The following HMGCLL1 variants were observed in gnomAD, a reference collection of about 807,000 sequenced individuals.
HMGCLL1 encodes 3-hydroxymethyl-3-methylglutaryl-CoA lyase, cytoplasmic.
Under a neutral mutation model 39.1 loss-of-function variants are expected in HMGCLL1, and 36 were observed. That is an observed-to-expected ratio of 0.92 (90% confidence interval 0.71 to 1.22). The LOEUF is 1.22. Among genes scored for constraint, HMGCLL1 ranks in the 50% most tolerant of loss-of-function variants. HMGCLL1 has a pLI of 0.00. For missense variants in HMGCLL1, 451 were observed against 416.5 expected (o/e 1.08, Z -0.72); for synonymous variants, 149 against 144.0 (o/e 1.03, Z -0.25).
chr6:55,588,279 C>T, the HMGCLL1 span, among the ~76,000 whole-genome samples: 2 of 152,062 alleles, frequency 1.3e-5, no homozygotes, highest in African/African-American at 4.8e-5. Context: ...TACATGGAAA[C>T]TGAACAACGT....
chr6:55,561,255 C>A (rs911687045), intron 1 of HMGCLL1, among the ~76,000 whole-genome samples: 3 of 152,036 alleles, frequency 2.0e-5, no homozygotes, highest in Non-Finnish European at 2.9e-5. Flanking sequence ...TTACAAAAAT[C>A]ATCTTTAAAA....
At chr6:55,639,774 A>C in the HMGCLL1 span, among the ~76,000 whole-genome samples, 1 of 152,074 alleles carries the variant, frequency 6.6e-6, no homozygotes, top group African/African-American at 2.4e-5. Context: ...ATGAAGGAGA[A>C]AGAAAAGAAA....
the HMGCLL1 span, among the ~76,000 whole-genome samples, chr6:55,657,246 T>G: frequency 1.3e-5 from 2 of 152,198 alleles, no homozygotes; most frequent in Admixed American, 1.3e-4. Flanking sequence ...TGCAGTTGCT[T>G]TTGGTGTTTT....
At chr6:55,628,837 G>T in the HMGCLL1 span, among the ~76,000 whole-genome samples, 2 of 152,094 alleles carry the variant, frequency 1.3e-5, no homozygotes, top group African/African-American at 4.8e-5. Flanking sequence ...TCCTTTGCCT[G>T]CTGCCATCCA....
the HMGCLL1 span, among the ~76,000 whole-genome samples, chr6:55,650,084 CATATACATAT>C: frequency 1.0e-4 from 5 of 48,068 alleles, no homozygotes; most frequent in Non-Finnish European, 2.0e-4. Context: ...TATACACACA[CATATACATAT>C]ATATATATAT....
At chr6:55,559,334 C>T (rs1162087398) in intron 1 of HMGCLL1, among the ~76,000 whole-genome samples, 1 of 152,094 alleles carries the variant, frequency 6.6e-6, no homozygotes, top group East Asian at 1.9e-4. Flanking sequence ...GAGGAGCCTT[C>T]CTAGAGATTT....
intron 1 of HMGCLL1, among the ~76,000 whole-genome samples, chr6:55,568,979 G>T (rs575543265): frequency 7.9e-5 from 12 of 152,030 alleles, no homozygotes; most frequent in African/African-American, 2.9e-4. Context: ...ACTTGGAGGA[G>T]CTCAGAGCTA....
intron 1 of HMGCLL1, among the ~76,000 whole-genome samples, chr6:55,550,022 C>T (rs564409943): frequency 1.3e-4 from 19 of 151,964 alleles, no homozygotes; most frequent in African/African-American, 3.9e-4. Flanking sequence ...TGAGCATTTG[C>T]GTGACTACAG....
At chr6:55,486,768 A>C (rs1561911563) in intron 7 of HMGCLL1, among the ~76,000 whole-genome samples, 1 of 152,098 alleles carries the variant, frequency 6.6e-6, no homozygotes, top group Non-Finnish European at 1.5e-5. Flanking sequence ...CTGCTATAAC[A>C]AAGTACCATA....
intron 1 of HMGCLL1, among the ~76,000 whole-genome samples, chr6:55,556,898 G>A (rs1269126880): frequency 6.6e-6 from 1 of 152,140 alleles, no homozygotes; most frequent in Non-Finnish European, 1.5e-5. Context: ...TCTCCTGGAA[G>A]TTTGATGTAA....
At chr6:55,669,175 C>T in the HMGCLL1 span, among the ~76,000 whole-genome samples, 1 of 151,504 alleles carries the variant, frequency 6.6e-6, no homozygotes, top group African/African-American at 2.4e-5. Context: ...CCTGAACATG[C>T]CTGGATCTAT....
At chr6:55,675,202 A>G in the HMGCLL1 span, among the ~76,000 whole-genome samples, 2 of 152,116 alleles carry the variant, frequency 1.3e-5, no homozygotes, top group Non-Finnish European at 2.9e-5. Context: ...TGAAAATCCT[A>G]TTCACCAGAA....
chr6:55,563,244 T>C (rs1224934497), intron 1 of HMGCLL1, among the ~76,000 whole-genome samples: 1 of 152,118 alleles, frequency 6.6e-6, no homozygotes, highest in Non-Finnish European at 1.5e-5. Context: ...TATAAATTAG[T>C]GATCTAAGAA....
At chr6:55,560,173 A>G (rs1338878170) in intron 1 of HMGCLL1, among the ~76,000 whole-genome samples, 1 of 152,184 alleles carries the variant, frequency 6.6e-6, no homozygotes. Context: ...TAAGTTATCA[A>G]ACTTCTAAAG....
At chr6:55,580,681 C>CT (rs550676498), upstream of HMGCLL1, among the ~76,000 whole-genome samples, 367 of 152,208 alleles carry the variant, frequency 2.4e-3, 1 homozygote, top group African/African-American at 8.5e-3. Flanking sequence ...TCCCAAAGTG[C>CT]TGGGATTACA....
the HMGCLL1 span, among the ~76,000 whole-genome samples, chr6:55,595,930 C>A: frequency 3.7e-4 from 56 of 152,162 alleles, no homozygotes; most frequent in African/African-American, 1.2e-3. Context: ...AATTTTGGAG[C>A]CTTTGTGAAT....
rs760536172 is a variant in HMGCLL1 at position 55,542,147 on chromosome 6, T to C, written c.109-7A>G. ...CAGATAACTGGGATGTTTCCTGAAATGCAAAATGTAAGAACAAGATAACGT... is the reference window on the plus strand; with the variant it reads ...CAGATAACTGGGATGTTTCCTGAAACGCAAAATGTAAGAACAAGATAACGT... On this transcript the variant is annotated splice_polypyrimidine_tract_variant and splice_region_variant and intron_variant, in intron 1 of 8. Coordinates refer to ENST00000274901, the MANE Select transcript of HMGCLL1 (RefSeq NM_001042406.2). 2.5e-6 allele frequency: 4 copies of C among 1,588,236 alleles called. No individual in the cohort carries two copies. Among genetic ancestry groups the C allele is most frequent in the Non-Finnish European group, 3.4e-6 (4 of 1,160,350 alleles).
the HMGCLL1 span, among the ~76,000 whole-genome samples, chr6:55,595,580 T>C: frequency 6.6e-6 from 1 of 152,224 alleles, no homozygotes; most frequent in Non-Finnish European, 1.5e-5. Context: ...TGAATGCTAC[T>C]GTAAATTCAG....
the HMGCLL1 span, among the ~76,000 whole-genome samples, chr6:55,592,296 A>C: frequency 6.6e-6 from 1 of 152,020 alleles, no homozygotes; most frequent in Non-Finnish European, 1.5e-5. Context: ...TTCTCTCAGA[A>C]ACTTTTCCCT....
Sources: gnomAD v4.1 joint callset for allele counts (sites outside exome capture counted in the v4.1 genomes callset) on GRCh38, gnomAD v4.1.1 for gene constraint, MANE v1.5 for transcripts, NCBI Gene and HGNC (gene_info 2026-07-23, HGNC 2026-07-21) for gene names.